BIRC2: variants seen among roughly 807,000 people sequenced by gnomAD.
BIRC2 encodes baculoviral IAP repeat-containing protein 2.
BIRC2 carries 18 observed loss-of-function variants against 60.9 expected under a neutral mutation model. The observed-to-expected ratio is 0.30, with a 90% CI of 0.20 to 0.44. The LOEUF (loss-of-function observed/expected upper bound fraction) is 0.44. Among genes scored for constraint, BIRC2 ranks in the 20% least tolerant of loss-of-function variants. BIRC2 has a pLI of 1.00. For synonymous variants in BIRC2, 282 were observed against 247.7 expected (o/e 1.14, Z -1.30); for missense variants, 701 against 728.5 (o/e 0.96, Z 0.43).
At chr11:102,357,701 T>C (rs1951439493) in intron 3 of BIRC2, among the ~76,000 whole-genome samples, 1 of 152,140 alleles carries the variant, frequency 6.6e-6, no homozygotes, top group Non-Finnish European at 1.5e-5. Context: ...TAAAGCTTTG[T>C]TGATTTTACT....
intron 6 of BIRC2, among the ~76,000 whole-genome samples, chr11:102,373,016 C>T (rs1951653175): frequency 6.6e-6 from 1 of 151,398 alleles, no homozygotes; most frequent in Non-Finnish European, 1.5e-5. Context: ...TTTCCATTTG[C>T]TTGGTAGATC....
Position 102,353,468 on chromosome 11 carries a change from G to A in BIRC2, c.995+2525G>A, listed in dbSNP as rs975485662. On this transcript the variant is annotated intron_variant, in intron 3 of 8. Transcript: ENST00000227758. The stretch of plus-strand genomic sequence containing the variant: ...CGAGTAGCTGGAATTATAGGCACAC[G>A]CCACCACACTCAGTAGTTTTTGTAT... Among the ~76,000 whole-genome samples, 9 of 151,744 alleles carry A rather than the reference G, an allele frequency of 5.9e-5. No individual in the cohort carries two copies. The South Asian group carries it at 8.3e-4, about 14-fold the overall frequency.
chr11:102,354,771 GATA>G (rs1951402088), intron 3 of BIRC2, among the ~76,000 whole-genome samples: 1 of 152,026 alleles, frequency 6.6e-6, no homozygotes, highest in Non-Finnish European at 1.5e-5. Context: ...TGTCTCCGAT[GATA>G]ATAAGGCATC....
rs1027006922 is a variant in BIRC2, at chr11:102,350,279, C to G, written c.425C>G (p.Thr142Ser). The change falls in exon 2 of 9, where the codon ACC (threonine) becomes AGC (serine). Residue 142 changes from threonine to serine, a missense_variant. Coordinates refer to ENST00000227758, the MANE Select transcript of BIRC2 (RefSeq NM_001166.5). Reference protein sequence around the residue: ...RNSFAHSLSPTLEHSSLFSGS... With the variant: ...RNSFAHSLSPSLEHSSLFSGS... ...AGTTTTGCACATTCATTATCTCCCA[C>G]CTTGGAACATAGTAGCTTGTTCAGT... is the stretch of plus-strand genomic sequence containing the variant. 1 of 1,614,226 alleles carries G rather than the reference C, an allele frequency of 6.2e-7. No homozygotes were observed. The highest frequency in any genetic ancestry group is 1.7e-5 in the Admixed American group (1 of 60,032).
chr11:102,359,612 A>T (rs1951463036), intron 3 of BIRC2, among the ~76,000 whole-genome samples: 1 of 152,234 alleles, frequency 6.6e-6, no homozygotes, highest in South Asian at 2.1e-4. Context: ...GCTGGGATAC[A>T]TATTCTTGTC....
chr11:102,361,410 C>G (rs1012878012), intron 3 of BIRC2, among the ~76,000 whole-genome samples: 1 of 152,066 alleles, frequency 6.6e-6, no homozygotes, highest in Non-Finnish European at 1.5e-5. Context: ...AGCTGTGGCT[C>G]TGGGGTCTGG....
rs183095502 is a variant in BIRC2 at position 102,361,798 on chromosome 11, T to C, written c.996-1098T>C. Among the ~76,000 whole-genome samples the C allele has an allele frequency of 3.8e-3, 582 of 151,344 alleles. 2 individuals are homozygous for C. The highest frequency in any genetic ancestry group is 6.2e-3 in the Non-Finnish European group (420 of 67,926). On this transcript the variant is annotated intron_variant, in intron 3 of 8. Coordinates refer to ENST00000227758, the MANE Select transcript of BIRC2 (RefSeq NM_001166.5). ...CTTAGCCATCTCCAGATGTCTCTGC[T>C]AAGCAGATCTCCCAGCAGTCCTTTC...
At chr11:102,375,007 G>A (rs1273038587) in intron 6 of BIRC2, among the ~76,000 whole-genome samples, 1 of 152,216 alleles carries the variant, frequency 6.6e-6, no homozygotes, top group South Asian at 2.1e-4. Context: ...GTGTGGCAAT[G>A]CCTTGCCCTG....
chr11:102,368,673 C>A (rs918177000), intron 6 of BIRC2, 125 bp downstream of exon 6: 5 of 1,318,570 alleles, frequency 3.8e-6, no homozygotes, highest in Non-Finnish European at 5.2e-6. Context: ...CCAGTCATTT[C>A]GAAACCATCC....
intron 5 of BIRC2, 106 bp downstream of exon 5, chr11:102,363,822 C>G: frequency 1.3e-6 from 1 of 799,680 alleles, no homozygotes. Context: ...TTTGAGAGGC[C>G]GAGGTTGACA....
At chr11:102,364,160 TATATATATATATATAC>T (rs1172079805) in intron 5 of BIRC2, among the ~76,000 whole-genome samples, 12 of 73,062 alleles carry the variant, frequency 1.6e-4, no homozygotes, top group Non-Finnish European at 2.5e-4. Flanking sequence ...TATATATATA[TATATATATATATATAC>T]ACACACACAC....
chr11:102,375,944 A>G (rs559091941), intron 6 of BIRC2, among the ~76,000 whole-genome samples: 17 of 151,236 alleles, frequency 1.1e-4, no homozygotes, highest in African/African-American at 3.7e-4. Context: ...ACTTTAACAC[A>G]GCTCCTAGCA....
chr11:102,374,543 G>A (rs1239641644), intron 6 of BIRC2, among the ~76,000 whole-genome samples: 10 of 150,916 alleles, frequency 6.6e-5, no homozygotes, highest in Admixed American at 1.3e-4. Context: ...CTCCAGCTGC[G>A]TGCTGGGAGA....
Position 102,350,053 on chromosome 11 carries a change from C to G in BIRC2, c.199C>G (p.Leu67Val). 6.2e-7 allele frequency: 1 copy of G among 1,614,218 alleles called. No individual in the cohort carries two copies. The highest frequency in any genetic ancestry group is 8.5e-7 in the Non-Finnish European group (1 of 1,180,040). ...CGGGGTGCCTGTCTCAGAAAGGAGTCTTGCTCGTGCTGGTTTTTATTATAC... is the reference window on the plus strand; with the variant it reads ...CGGGGTGCCTGTCTCAGAAAGGAGTGTTGCTCGTGCTGGTTTTTATTATAC... ...PAGVPVSERS[L>V]ARAGFYYTGV... Residue 67 changes from leucine to valine, a missense_variant, in exon 2 of 9, where the codon CTT becomes GTT. Transcript: ENST00000227758.
chr11:102,364,108 G>T (rs1465762173), intron 5 of BIRC2, among the ~76,000 whole-genome samples: 1 of 112,728 alleles, frequency 8.9e-6, no homozygotes, highest in Non-Finnish European at 1.8e-5. Flanking sequence ...GAAGCCATAG[G>T]GAAAAATACT....
chr11:102,351,689 T>G (rs1951364010), intron 3 of BIRC2, among the ~76,000 whole-genome samples: 1 of 151,964 alleles, frequency 6.6e-6, no homozygotes, highest in African/African-American at 2.4e-5. Context: ...AATTATTTTT[T>G]CTGTACAATT....
chr11:102,362,268 T>C (rs949065324), intron 3 of BIRC2, among the ~76,000 whole-genome samples: 3 of 152,182 alleles, frequency 2.0e-5, no homozygotes, highest in African/African-American at 7.2e-5. Flanking sequence ...TTTTAACATA[T>C]GAATATTCTG....
At chr11:102,373,392 G>C (rs1951659180) in intron 6 of BIRC2, among the ~76,000 whole-genome samples, 1 of 152,076 alleles carries the variant, frequency 6.6e-6, no homozygotes, top group Non-Finnish European at 1.5e-5. Context: ...CCATTTGCTT[G>C]TCTGTGAAGT....
chr11:102,364,691 G>T (rs775428601), intron 5 of BIRC2, among the ~76,000 whole-genome samples: 1 of 152,146 alleles, frequency 6.6e-6, no homozygotes. Context: ...TTTGTTAACT[G>T]GACCAGAGAA....
Sources: allele counts gnomAD v4.1 joint callset (sites outside exome capture counted in the v4.1 genomes callset), GRCh38; gene constraint gnomAD v4.1.1; transcripts MANE v1.5; gene names NCBI Gene and HGNC (gene_info 2026-07-23, HGNC 2026-07-21).